CMYA5: variants seen among roughly 807,000 people sequenced by gnomAD.
CMYA5 encodes cardiomyopathy associated 5, also known as cardiomyopathy-associated protein 5.
In CMYA5, 246 loss-of-function variants were observed where a neutral mutation model predicts 318.9. The ratio of observed to expected loss-of-function variants is 0.77; its 90% CI spans 0.70 to 0.86. The LOEUF is 0.86. CMYA5 is among the 40% of genes least tolerant of loss of function. CMYA5 has a pLI of 0.00. For synonymous variants in CMYA5, 1,641 were observed against 1,729.5 expected, an observed-to-expected ratio of 0.95 and a Z score of 1.27; for missense variants, 4,589 against 4,678.2, an observed-to-expected ratio of 0.98 and a Z score of 0.56.
chr5:79,757,634 A>G (rs1206073870), intron 6 of CMYA5, among the ~76,000 whole-genome samples: 1 of 152,240 alleles, frequency 6.6e-6, no homozygotes, highest in East Asian at 1.9e-4. Flanking sequence ...AGATACACCA[A>G]CTATATCTTA....
In CMYA5 at chr5:79,775,290, C is replaced by A. The variant is rs1828919330; in HGVS notation, c.11555+12081C>A. Among the ~76,000 whole-genome samples the A allele has an allele frequency of 2.0e-5, 3 of 152,162 alleles. No individual in the cohort carries two copies. In the South Asian group the frequency reaches 6.2e-4, roughly 32 times the overall value. On this transcript the variant is annotated intron_variant, in intron 9 of 12. Coordinates refer to ENST00000446378, the MANE Select transcript of CMYA5 (RefSeq NM_153610.5). Reference sequence around the variant, plus strand: ...TCACGTACAACACCTCCTAGTTGTACAGTAAAACCTCAGTCAATGGAAACC... The same window carrying A: ...TCACGTACAACACCTCCTAGTTGTAAAGTAAAACCTCAGTCAATGGAAACC...
At chr5:79,700,853 G>T (rs1157357021) in intron 1 of CMYA5, among the ~76,000 whole-genome samples, 1 of 152,154 alleles carries the variant, frequency 6.6e-6, no homozygotes, top group Non-Finnish European at 1.5e-5. Context: ...AGCTAAGAAA[G>T]TAGATCTCAT....
chr5:79,772,272 A>C (rs1049967293), intron 9 of CMYA5, among the ~76,000 whole-genome samples: 1 of 152,226 alleles, frequency 6.6e-6, no homozygotes, highest in Non-Finnish European at 1.5e-5. Context: ...GGGCCGGCTA[A>C]GCAAAAATTT....
rs1473432486 is a variant in CMYA5 at position 79,758,645 on chromosome 5, C to T, written c.11111-108C>T. ...ACAAGAGAGCCCTTCTACTTTTATA[C>T]TATGTATTTCTGTATTCTTTGAATA... On this transcript the variant is annotated intron_variant, in intron 6 of 12. Transcript: ENST00000446378. 5 of 783,752 alleles carry T rather than the reference C, an allele frequency of 6.4e-6. No individual in the cohort carries two copies. In the South Asian group the frequency reaches 2.2e-4, roughly 35 times the overall value. The allele number at this position is 783,752 out of a possible 1,614,324, so 48.5% of individuals were successfully genotyped here. A position where few individuals can be genotyped will look rare whatever the true frequency, so the allele number is the denominator to read the frequency against.
rs899104508 is a variant in CMYA5 at position 79,690,066 on chromosome 5, G to A, written c.149+10G>A. On this transcript the variant is annotated intron_variant, in intron 1 of 12. Coordinates refer to ENST00000446378, the MANE Select transcript of CMYA5 (RefSeq NM_153610.5). The stretch of plus-strand genomic sequence containing the variant: ...AGGAGCCGGACTCCAGGTAGCGCGA[G>A]CCTCTCTCCTCGGCCCAGGGCCTGC... 136 of 1,431,900 alleles carry A rather than the reference G, an allele frequency of 9.5e-5. No individual in the cohort carries two copies. Among genetic ancestry groups the A allele is most frequent in the Non-Finnish European group, 1.2e-4 (126 of 1,089,416 alleles). 88.7% of individuals were successfully genotyped at this position (1,431,900 alleles called of 1,614,324 possible).
chr5:79,736,827 G>C lies in CMYA5; in HGVS notation c.8062G>C (p.Asp2688His). The C allele has an allele frequency of 1.9e-6, 3 of 1,612,668 alleles. No individual in the cohort carries two copies. The highest frequency in any genetic ancestry group is 2.5e-6 in the Non-Finnish European group (3 of 1,179,678). ...AGAGCTATCGAAAGGCGGTTCAGTAGATATCACAAAAGAAACTGTGAAACA... is the reference window on the plus strand; with the variant it reads ...AGAGCTATCGAAAGGCGGTTCAGTACATATCACAAAAGAAACTGTGAAACA... ...ESELSKGGSVDITKETVKQGF... is the reference protein window; with the variant it reads ...ESELSKGGSVHITKETVKQGF... Residue 2688 changes from aspartate to histidine, a missense_variant, in exon 2 of 13, where the codon GAT becomes CAT. Coordinates refer to ENST00000446378, the MANE Select transcript of CMYA5 (RefSeq NM_153610.5).
rs191057299 is a variant in CMYA5 at position 79,797,028 on chromosome 5, C to T, written c.11964-2342C>T. Among the ~76,000 whole-genome samples, 127 of 152,232 alleles carry T rather than the reference C, an allele frequency of 8.3e-4. 1 individual carries two copies. The highest frequency in any genetic ancestry group is 3.0e-3 in the African/African-American group (124 of 41,528). On this transcript the variant is annotated intron_variant, in intron 12 of 12. Coordinates refer to ENST00000446378, the MANE Select transcript of CMYA5 (RefSeq NM_153610.5). ...TAAGCTGCACAAAACATAAAAAATG[C>T]AGGTATTTTCCAATCTAGAAATGGT...
intron 1 of CMYA5, among the ~76,000 whole-genome samples, chr5:79,703,551 G>T (rs1580747123): frequency 1.3e-5 from 2 of 152,250 alleles, no homozygotes; most frequent in South Asian, 4.1e-4. Context: ...TATGCCTAGG[G>T]TAATCCTCCT....
At chr5:79,740,659 C>T (rs1828191756) in intron 2 of CMYA5, among the ~76,000 whole-genome samples, 1 of 152,152 alleles carries the variant, frequency 6.6e-6, no homozygotes, top group Admixed American at 6.5e-5. Flanking sequence ...CATGTATCCT[C>T]CTGTAAGTAA....
intron 1 of CMYA5, among the ~76,000 whole-genome samples, chr5:79,691,781 G>A (rs1826974914): frequency 6.6e-6 from 1 of 152,210 alleles, no homozygotes; most frequent in Non-Finnish European, 1.5e-5. Context: ...ACGGCCTGCA[G>A]GAGATCCTGA....
Position 79,752,023 on chromosome 5 carries a change from T to C in CMYA5, c.10992-653T>C, listed in dbSNP as rs150696955. On this transcript the variant is annotated intron_variant, in intron 5 of 12. Transcript: ENST00000446378. ...TGTTTAAATCCACATTTCATCTGGA[T>C]ACAAATACTTAGACTTAGCATCAGT... Among the ~76,000 whole-genome samples, 687 of 152,338 alleles carry C rather than the reference T, an allele frequency of 4.5e-3. 6 individuals carry two copies. Among genetic ancestry groups the C allele is most frequent in the African/African-American group, 0.014 (590 of 41,574 alleles).
chr5:79,765,752 T>C (rs1828738698), intron 9 of CMYA5, among the ~76,000 whole-genome samples: 1 of 152,214 alleles, frequency 6.6e-6, no homozygotes, highest in African/African-American at 2.4e-5. Flanking sequence ...TTTGTAGCAA[T>C]TGGGAATGGG....
chr5:79,699,380 G>T (rs1483783591), intron 1 of CMYA5, among the ~76,000 whole-genome samples: 1 of 152,152 alleles, frequency 6.6e-6, no homozygotes, highest in Admixed American at 6.6e-5. Flanking sequence ...CTGAGCAGTG[G>T]TCATTGAATC....
At chr5:79,794,340 A>G (rs1293256803) in intron 12 of CMYA5, among the ~76,000 whole-genome samples, 2 of 152,216 alleles carry the variant, frequency 1.3e-5, no homozygotes, top group African/African-American at 2.4e-5. Context: ...TCTCTGTTCT[A>G]TATTACCTGT....
intron 9 of CMYA5, among the ~76,000 whole-genome samples, chr5:79,765,172 A>G (rs259132): frequency 0.21 from 31,220 of 152,050 alleles, 3,366 homozygotes; most frequent in East Asian, 0.31. Flanking sequence ...TGTATAAGGT[A>G]TAAGGAAGGG....
In CMYA5 at chr5:79,738,961, C is replaced by G. The variant is rs373219648; in HGVS notation, c.10196C>G (p.Pro3399Arg). 6.2e-7 allele frequency: 1 copy of G among 1,613,874 alleles called. No homozygotes were observed. The highest frequency in any genetic ancestry group is 8.5e-7 in the Non-Finnish European group (1 of 1,179,846). ...THVQETSLEE[P>R]KILVPPEPSE... The stretch of plus-strand genomic sequence containing the variant: ...GTTCAAGAAACATCACTAGAAGAAC[C>G]TAAAATCCTGGTCCCACCTGAGCCA... The change falls in exon 2 of 13, where the codon CCT (proline) becomes CGT (arginine). Residue 3399 changes from proline to arginine, a missense_variant. Pro to Arg is a moderately radical substitution (Grantham distance 103). Coordinates refer to ENST00000446378, the MANE Select transcript of CMYA5 (RefSeq NM_153610.5).
intron 1 of CMYA5, among the ~76,000 whole-genome samples, chr5:79,717,899 T>TGAAC (rs1166350836): frequency 5.3e-5 from 5 of 94,796 alleles, no homozygotes; most frequent in African/African-American, 2.4e-4. Flanking sequence ...TTTTTTTTTT[T>TGAAC]TTTTTTTGAG....
intron 9 of CMYA5, among the ~76,000 whole-genome samples, chr5:79,766,530 A>G (rs1828754055): frequency 6.6e-6 from 1 of 152,160 alleles, no homozygotes; most frequent in African/African-American, 2.4e-5. Flanking sequence ...GTTGAATTTT[A>G]TTGAAGGCCT....
intron 1 of CMYA5, among the ~76,000 whole-genome samples, chr5:79,694,518 T>C (rs1827030576): frequency 6.6e-6 from 1 of 152,206 alleles, no homozygotes; most frequent in Admixed American, 6.5e-5. Flanking sequence ...AATTTTCATT[T>C]CTCTATTTAA....
Sources: allele counts gnomAD v4.1 joint callset (sites outside exome capture counted in the v4.1 genomes callset), GRCh38; gene constraint gnomAD v4.1.1; transcripts MANE v1.5; gene names NCBI Gene and HGNC (gene_info 2026-07-23, HGNC 2026-07-21).